LCA5L: variants seen among roughly 807,000 people sequenced by gnomAD.
LCA5L encodes lebercilin-like protein.
Under a neutral mutation model 45.4 loss-of-function variants are expected in LCA5L, and 35 were observed. That is an observed-to-expected ratio of 0.77 (90% CI 0.59 to 1.02). The LOEUF is 1.02. Among genes scored for constraint, LCA5L ranks in the 50% least tolerant of loss-of-function variants. LCA5L has a pLI of 0.00. For missense variants in LCA5L, 668 were observed against 761.6 expected (o/e 0.88, Z 1.45); for synonymous variants, 233 against 264.7 (o/e 0.88, Z 1.16).
intron 8 of LCA5L, chr21:39,410,902 A>G (rs747032368): frequency 1.1e-5 from 5 of 471,122 alleles, no homozygotes; most frequent in African/African-American, 8.0e-5. Flanking sequence ...TGCATCTGGA[A>G]GTAAACATGT....
rs56725659 is a variant in LCA5L, at chr21:39,417,348, GT to G, written c.975+3357del. Among the ~76,000 whole-genome samples, 429 of 151,864 alleles carry G rather than the reference GT, an allele frequency of 2.8e-3. 1 individual carries two copies. Among genetic ancestry groups the G allele is most frequent in the African/African-American group, 9.9e-3 (412 of 41,424 alleles). On this transcript the variant is annotated intron_variant, in intron 7 of 10. Coordinates refer to ENST00000288350, the MANE Select transcript of LCA5L (RefSeq NM_152505.4). ...AGCCACTGTACCCAGCTGCTTTTTA[GT>G]TTTTTTTACGTTTAATTCTGCTTTG...
chr21:39,424,712 G>C (rs377105453), intron 5 of LCA5L, among the ~76,000 whole-genome samples: 4 of 152,136 alleles, frequency 2.6e-5, no homozygotes, highest in Non-Finnish European at 5.9e-5. Context: ...TACAGATACC[G>C]ATTTTCCATC....
chr21:39,431,309 T>TA (rs1203896790), intron 3 of LCA5L, among the ~76,000 whole-genome samples: 1 of 152,140 alleles, frequency 6.6e-6, no homozygotes, highest in Non-Finnish European at 1.5e-5. Context: ...TGTAGCTTCT[T>TA]AAAAATGCTT....
rs368368192 is a variant in LCA5L at position 39,416,965 on chromosome 21, C to T, written c.975+3741G>A. ...CCCTGTCTGCAGGTTCTGCATCCCG[C>T]GGTTACAAAGGGCTAACTGTATACA... On this transcript the variant is annotated intron_variant, in intron 7 of 10. Coordinates refer to ENST00000288350, the MANE Select transcript of LCA5L (RefSeq NM_152505.4). Among the ~76,000 whole-genome samples, 8 of 152,158 alleles carry T rather than the reference C, an allele frequency of 5.3e-5. No individual in the cohort carries two copies. In the East Asian group the frequency reaches 7.7e-4, roughly 15 times the overall value.
intron 2 of LCA5L, among the ~76,000 whole-genome samples, chr21:39,437,459 T>A (rs1303747780): frequency 6.6e-6 from 1 of 152,194 alleles, no homozygotes; most frequent in East Asian, 1.9e-4. Flanking sequence ...AAAATGGCTA[T>A]AAAATTAATC....
intron 10 of LCA5L, among the ~76,000 whole-genome samples, chr21:39,407,461 A>C (rs147267576): frequency 6.6e-6 from 1 of 152,364 alleles, no homozygotes; most frequent in East Asian, 1.9e-4. Flanking sequence ...ACTTCTTCTT[A>C]GAACGAACCT....
rs1402493849 is a variant in LCA5L, at chr21:39,419,381, T to C, written c.975+1325A>G. 5.9e-5 allele frequency among the ~76,000 whole-genome samples: 9 copies of C among 151,970 alleles called. No homozygotes were observed. In the East Asian group the frequency reaches 1.7e-3, roughly 29 times the overall value. ...CTCTACAAAAATTTTAAAAATTAGCTGGGTATGGTGGCATGTACCTGTGAT... is the reference window on the plus strand; with the variant it reads ...CTCTACAAAAATTTTAAAAATTAGCCGGGTATGGTGGCATGTACCTGTGAT... On this transcript the variant is annotated intron_variant, in intron 7 of 10. Coordinates refer to ENST00000288350, the MANE Select transcript of LCA5L (RefSeq NM_152505.4).
chr21:39,440,513 G>A (rs985565999), intron 2 of LCA5L, among the ~76,000 whole-genome samples: 3 of 152,102 alleles, frequency 2.0e-5, no homozygotes, highest in Admixed American at 6.5e-5. Context: ...ACTCCAGCCC[G>A]GACAAGAGTG....
At chr21:39,422,922 CCT>C in intron 6 of LCA5L, 52 bp downstream of exon 6, 4 of 1,523,768 alleles carry the variant, frequency 2.6e-6, no homozygotes, top group Non-Finnish European at 3.6e-6. Context: ...TAATTCACAC[CCT>C]CTCTCTATTA....
rs372869200 is a variant in LCA5L at position 39,433,717 on chromosome 21, C to G, written c.-92+1703G>C. Among the ~76,000 whole-genome samples the G allele has an allele frequency of 1.0e-4, 15 of 150,288 alleles. No homozygotes were observed. In the East Asian group the frequency reaches 2.3e-3, roughly 23 times the overall value. On this transcript the variant is annotated intron_variant, in intron 3 of 10. Transcript: ENST00000288350. ...GTGCTCTCTATACTGTTCTACTGAT[C>G]TGTTTCTCTATATTCATACCAATAC... is the stretch of plus-strand genomic sequence containing the variant.
chr21:39,443,080 G>A (rs188207339), intron 2 of LCA5L, among the ~76,000 whole-genome samples: 4 of 152,312 alleles, frequency 2.6e-5, no homozygotes, highest in African/African-American at 9.6e-5. Context: ...TTCAGATGCC[G>A]CTGAGAGATT....
At chr21:39,437,231 A>T (rs1346182504) in intron 2 of LCA5L, among the ~76,000 whole-genome samples, 1 of 152,228 alleles carries the variant, frequency 6.6e-6, no homozygotes, top group South Asian at 2.1e-4. Flanking sequence ...TCTCAAACAA[A>T]AAAACAGCTT....
chr21:39,423,005 T>C lies in LCA5L; in HGVS notation c.808A>G (p.Lys270Glu). 2.5e-6 allele frequency: 4 copies of C among 1,613,820 alleles called. No homozygotes were observed. Among genetic ancestry groups the C allele is most frequent in the Non-Finnish European group, 3.4e-6 (4 of 1,179,940 alleles). Residue 270 changes from lysine to glutamate, a missense_variant, in exon 6 of 11, where the codon AAA (lysine) becomes GAA (glutamate). Transcript: ENST00000288350. The part of the protein sequence containing the change: ...LTHKLSIITT[K>E]MDANDKKIQS... The stretch of plus-strand genomic sequence containing the variant: ...ATTTTTTTGTCATTTGCGTCCATTT[T>C]TGTTGTGATAATAGATAATTTATGA...
At chr21:39,416,766 A>G (rs1306495409) in intron 7 of LCA5L, among the ~76,000 whole-genome samples, 1 of 152,202 alleles carries the variant, frequency 6.6e-6, no homozygotes, top group Admixed American at 6.5e-5. Flanking sequence ...AAACAACAAC[A>G]TCAACATCAT....
At chr21:39,426,893 T>C (rs893125800) in intron 5 of LCA5L, among the ~76,000 whole-genome samples, 12 of 152,324 alleles carry the variant, frequency 7.9e-5, no homozygotes, top group African/African-American at 2.4e-4. Flanking sequence ...ATTTAACCTT[T>C]TGAGACTCTG....
chr21:39,411,044 A>G, intron 8 of LCA5L: 1 of 407,448 alleles, frequency 2.5e-6, no homozygotes, highest in Non-Finnish European at 4.9e-6. Flanking sequence ...AATGAGAGGT[A>G]TACACTAATG....
intron 2 of LCA5L, among the ~76,000 whole-genome samples, chr21:39,442,371 A>G (rs2076954051): frequency 2.6e-5 from 4 of 152,128 alleles, no homozygotes; most frequent in African/African-American, 9.7e-5. Context: ...TATGATGTGG[A>G]TCATTAATCC....
At chr21:39,437,452 A>G (rs1422325110) in intron 2 of LCA5L, among the ~76,000 whole-genome samples, 1 of 152,186 alleles carries the variant, frequency 6.6e-6, no homozygotes, top group African/African-American at 2.4e-5. Flanking sequence ...AGGTTACAAA[A>G]TGGCTATAAA....
chr21:39,428,464 ATTTG>A lies in LCA5L; in HGVS notation c.26_29del (p.Thr9IlefsTer2). The A allele has an allele frequency of 6.2e-7, 1 of 1,608,418 alleles. No homozygotes were observed. The highest frequency in any genetic ancestry group is 8.5e-7 in the Non-Finnish European group (1 of 1,178,362). ...CCACGCCGAAGAAATGCTCATCTAT[ATTTG>A]TTTTTGTTAGATCAGCCAAAGACAT... On this transcript the variant is annotated frameshift_variant, in exon 5 of 11. Coordinates refer to ENST00000288350, the MANE Select transcript of LCA5L (RefSeq NM_152505.4). LOFTEE classifies it high-confidence loss of function.
Sources: gnomAD v4.1 joint callset for allele counts (sites outside exome capture counted in the v4.1 genomes callset) on GRCh38, gnomAD v4.1.1 for gene constraint, MANE v1.5 for transcripts, NCBI Gene and HGNC (gene_info 2026-07-23, HGNC 2026-07-21) for gene names.